Variants in CCDC171 observed in about 807,000 individuals in gnomAD.
CCDC171 encodes coiled-coil domain containing 171.
In CCDC171, 177 loss-of-function variants were observed where a neutral mutation model predicts 168.2. That is an observed-to-expected ratio of 1.05 (90% CI 0.93 to 1.19). The LOEUF is 1.19. Ranked by LOEUF, CCDC171 falls within the 50% of genes most tolerant of loss-of-function variation. CCDC171 has a pLI of 0.00. For synonymous variants in CCDC171, 687 were observed against 540.8 expected (o/e 1.27, Z -3.75); for missense variants, 1,991 against 1,539.0 (o/e 1.29, Z -4.91).
At chr9:16,068,640 G>T in the CCDC171 span, among the ~76,000 whole-genome samples, 2 of 152,102 alleles carry the variant, frequency 1.3e-5, no homozygotes. Flanking sequence ...CCTCAGCATG[G>T]GGGTTAAGAG....
At chr9:15,916,734 T>G (rs1824578366) in intron 24 of CCDC171, among the ~76,000 whole-genome samples, 1 of 152,048 alleles carries the variant, frequency 6.6e-6, no homozygotes, top group Non-Finnish European at 1.5e-5. Flanking sequence ...GCACGTACAC[T>G]TTTAAAAAAT....
chr9:15,556,145 T>C (rs971827869), intron 1 of CCDC171, among the ~76,000 whole-genome samples: 2 of 152,176 alleles, frequency 1.3e-5, no homozygotes, highest in Admixed American at 6.6e-5. Context: ...AATAAACATA[T>C]GTGTGCATGT....
At position 15,571,837 on chromosome 9, in the gene CCDC171, T is replaced by A. The variant is rs906034784; in HGVS notation, c.177+78T>A. 3.9e-6 allele frequency: 5 copies of A among 1,291,778 alleles called. No homozygotes were observed. The Admixed American group carries it at 1.3e-4, about 34-fold the overall frequency. The allele number at this position is 1,291,778 out of a possible 1,614,324, so 80.0% of individuals were successfully genotyped here. ...GATTTATTTCATATGAAAAACTCCA[T>A]GTTTAACCTTTATAACTATACCATT... On this transcript the variant is annotated intron_variant, in intron 3 of 25. Coordinates refer to ENST00000380701, the MANE Select transcript of CCDC171 (RefSeq NM_173550.4).
the CCDC171 span, among the ~76,000 whole-genome samples, chr9:16,083,774 C>T: frequency 2.4e-4 from 37 of 152,150 alleles, no homozygotes; most frequent in Non-Finnish European, 4.9e-4. Flanking sequence ...AAAGTTTCAA[C>T]GATCTTTCTG....
chr9:16,093,683 G>T, the CCDC171 span, among the ~76,000 whole-genome samples: 1 of 152,088 alleles, frequency 6.6e-6, no homozygotes. Flanking sequence ...ATAACTTAAG[G>T]CTGAGTTCTT....
intron 25 of CCDC171, among the ~76,000 whole-genome samples, chr9:15,957,474 A>T (rs985870352): frequency 6.6e-6 from 1 of 152,152 alleles, no homozygotes; most frequent in East Asian, 1.9e-4. Context: ...TACACTGTAT[A>T]TGTCAACTCT....
chr9:16,108,457 T>C, the CCDC171 span, among the ~76,000 whole-genome samples: 11 of 152,246 alleles, frequency 7.2e-5, no homozygotes, highest in African/African-American at 2.7e-4. Context: ...ATTTCCTTGA[T>C]TGCAGAATGA....
At chr9:15,954,205 C>A (rs1315983398) in intron 25 of CCDC171, among the ~76,000 whole-genome samples, 1 of 150,148 alleles carries the variant, frequency 6.7e-6, no homozygotes, top group East Asian at 2.0e-4. Flanking sequence ...CTTTTTTCCC[C>A]CTTCCTTCTG....
chr9:15,611,307 C>T (rs923249009), intron 6 of CCDC171, among the ~76,000 whole-genome samples: 1 of 152,184 alleles, frequency 6.6e-6, no homozygotes, highest in Non-Finnish European at 1.5e-5. Flanking sequence ...TCACATATTT[C>T]TTTATAGCCA....
intron 21 of CCDC171, among the ~76,000 whole-genome samples, chr9:15,841,107 T>G (rs1416861160): frequency 1.3e-5 from 2 of 152,076 alleles, no homozygotes; most frequent in Non-Finnish European, 1.5e-5. Context: ...TGGAAATTTT[T>G]AAGGTGAATT....
In CCDC171 at chr9:15,979,211, A is replaced by G. The variant is rs563855266; in HGVS notation, n.369-41378A>G. Among the ~76,000 whole-genome samples the G allele has an allele frequency of 1.4e-4, 22 of 152,262 alleles. No homozygotes were observed. In the East Asian group the frequency reaches 3.9e-3, roughly 27 times the overall value. On this transcript the variant is annotated intron_variant and non_coding_transcript_variant, in intron 3 of 9. Transcript: ENST00000486641. ...GGTGTGAATTTCTTAGTATTTTTCT[A>G]TAGACAAAGTGGTGTCATCTGCAAA...
chr9:15,701,770 A>G (rs2051766893), intron 11 of CCDC171, among the ~76,000 whole-genome samples: 1 of 152,032 alleles, frequency 6.6e-6, no homozygotes, highest in Admixed American at 6.6e-5. Flanking sequence ...CTTTATTGTC[A>G]TTTTATAAGG....
intron 11 of CCDC171, 43 bp downstream of exon 11, chr9:15,695,380 C>T (rs761025135): frequency 7.0e-7 from 1 of 1,431,770 alleles, no homozygotes; most frequent in South Asian, 1.1e-5. Flanking sequence ...TGTCAATGTT[C>T]CAAAGTCACT....
At chr9:16,033,256 A>G (rs184834448) in intron 6 of CCDC171, among the ~76,000 whole-genome samples, 117 of 152,314 alleles carry the variant, frequency 7.7e-4, no homozygotes, top group African/African-American at 2.6e-3. Context: ...CCTGGGCCAT[A>G]AACTGGTACC....
At chr9:16,098,178 A>T in the CCDC171 span, among the ~76,000 whole-genome samples, 1 of 152,192 alleles carries the variant, frequency 6.6e-6, no homozygotes, top group Non-Finnish European at 1.5e-5. Flanking sequence ...GGGCTAGCTA[A>T]CATCGCTGAG....
chr9:15,684,732 AG>A (rs2133541633), intron 10 of CCDC171, among the ~76,000 whole-genome samples: 1 of 152,336 alleles, frequency 6.6e-6, no homozygotes, highest in African/African-American at 2.4e-5. Context: ...TAGTATCCCA[AG>A]GTGCATATAA....
chr9:15,742,366 C>G (rs148975667), intron 16 of CCDC171, among the ~76,000 whole-genome samples: 117 of 152,342 alleles, frequency 7.7e-4, no homozygotes, highest in African/African-American at 2.6e-3. Flanking sequence ...TCCATCCTTT[C>G]TCTCATTTCT....
chr9:15,985,193 A>T (rs930286079), intron 3 of CCDC171, among the ~76,000 whole-genome samples: 2 of 152,208 alleles, frequency 1.3e-5, no homozygotes, highest in Non-Finnish European at 2.9e-5. Flanking sequence ...GGGAGGCTCC[A>T]TAATTATGTG....
intron 7 of CCDC171, among the ~76,000 whole-genome samples, chr9:15,656,319 C>A: frequency 6.8e-6 from 1 of 146,548 alleles, no homozygotes; most frequent in Non-Finnish European, 1.5e-5. Flanking sequence ...GAGACTCCGT[C>A]TCAAAAAAAA....
Sources: gnomAD v4.1 joint callset for allele counts (sites outside exome capture counted in the v4.1 genomes callset) on GRCh38, gnomAD v4.1.1 for gene constraint, MANE v1.5 for transcripts, NCBI Gene and HGNC (gene_info 2026-07-23, HGNC 2026-07-21) for gene names.